The following CNOT10 variants were observed in gnomAD, a reference collection of about 807,000 sequenced individuals.
The protein encoded by CNOT10 is CCR4-NOT transcription complex subunit 10.
Under a neutral mutation model 94.6 loss-of-function variants are expected in CNOT10, and 30 were observed. The observed-to-expected ratio is 0.32, with a 90% CI of 0.24 to 0.43. The LOEUF (loss-of-function observed/expected upper bound fraction) is 0.43. Ranked by LOEUF, CNOT10 falls within the 20% of genes least tolerant of loss-of-function variation. The pLI, the probability that CNOT10 is intolerant of heterozygous loss-of-function variation, is 1.00. For synonymous variants in CNOT10, 289 were observed against 301.6 expected, an observed-to-expected ratio of 0.96 and a Z score of 0.43; for missense variants, 759 against 877.2, an observed-to-expected ratio of 0.87 and a Z score of 1.70.
intron 12 of CNOT10, among the ~76,000 whole-genome samples, chr3:32,736,148 C>T (rs926383386): frequency 2.1e-4 from 32 of 152,112 alleles, no homozygotes; most frequent in African/African-American, 7.2e-4. Flanking sequence ...AGCAGTGGCA[C>T]GATCTCAACT....
intron 17 of CNOT10, among the ~76,000 whole-genome samples, chr3:32,767,491 C>T (rs992902230): frequency 2.9e-5 from 4 of 137,858 alleles, no homozygotes; most frequent in African/African-American, 1.1e-4. Flanking sequence ...TGCACTACAG[C>T]CTGGGCAACA....
rs866600183 is a variant in CNOT10 at position 32,737,576 on chromosome 3, G to A, written c.1595+86G>A. 4 of 830,676 alleles carry A rather than the reference G, an allele frequency of 4.8e-6. No individual in the cohort carries two copies. The Middle Eastern group carries it at 1.1e-3, about 219-fold the overall frequency. 51.5% of individuals were successfully genotyped at this position (830,676 alleles called of 1,614,324 possible). Reference sequence around the variant, plus strand: ...ACAGTGGCTCATACCTCTAATCCCAGCACTTTGGGAGGCCGAGGCTGGTGG... The same window carrying A: ...ACAGTGGCTCATACCTCTAATCCCAACACTTTGGGAGGCCGAGGCTGGTGG... On this transcript the variant is annotated intron_variant, in intron 13 of 18. Coordinates refer to ENST00000328834, the MANE Select transcript of CNOT10 (RefSeq NM_015442.3).
At chr3:32,764,276 G>A (rs1700571269) in intron 15 of CNOT10, 179 bp from the exon 16 acceptor site, 3 of 569,834 alleles carry the variant, frequency 5.3e-6, no homozygotes, top group Non-Finnish European at 9.1e-6. Context: ...GGCGGAGGTT[G>A]CAGTGAGCCG....
chr3:32,720,110 A>G lies in CNOT10; in HGVS notation c.745-4A>G, dbSNP rs759583348. The G allele has an allele frequency of 7.0e-6, 10 of 1,421,672 alleles. No homozygotes were observed. The South Asian group carries it at 1.5e-4, about 21-fold the overall frequency. 88.1% of individuals were successfully genotyped at this position (1,421,672 alleles called of 1,614,324 possible). ...TATAAGTAACTTTTATATTTTCTCT[A>G]CAGTCCGCACCCTCTCTCTTTCTTA... On this transcript the variant is annotated splice_region_variant and splice_polypyrimidine_tract_variant and intron_variant, in intron 7 of 18. Coordinates refer to ENST00000328834, the MANE Select transcript of CNOT10 (RefSeq NM_015442.3).
chr3:32,719,421 A>G (rs1454089829), intron 7 of CNOT10, among the ~76,000 whole-genome samples: 2 of 152,130 alleles, frequency 1.3e-5, no homozygotes, highest in East Asian at 3.9e-4. Flanking sequence ...CTCCGTCTCA[A>G]TCAATCAATC....
chr3:32,764,358 A>G (rs1008692807), intron 15 of CNOT10, 97 bp from the exon 16 acceptor site: 1 of 1,297,016 alleles, frequency 7.7e-7, no homozygotes, highest in African/African-American at 1.5e-5. Context: ...AAAGAAAAGA[A>G]AAGAAAATAT....
chr3:32,771,412 C>G lies in CNOT10; in HGVS notation c.2080+1450C>G, dbSNP rs1454582200. 2.0e-5 allele frequency among the ~76,000 whole-genome samples: 3 copies of G among 152,080 alleles called. No individual in the cohort carries two copies. The South Asian group carries it at 6.2e-4, about 32-fold the overall frequency. On this transcript the variant is annotated intron_variant, in intron 18 of 18. Transcript: ENST00000328834. ...GGTCAGGAGTTCGAAACCAGCCTAG[C>G]CAACATGGTAAAACCCCATCTTTAC...
chr3:32,740,107 AAAT>A (rs1336684092), intron 13 of CNOT10, among the ~76,000 whole-genome samples: 1 of 152,102 alleles, frequency 6.6e-6, no homozygotes, highest in African/African-American at 2.4e-5. Context: ...TAAAAATAAA[AAAT>A]AATACAGAGA....
At chr3:32,743,871 GA>G (rs1431199572) in intron 13 of CNOT10, among the ~76,000 whole-genome samples, 1 of 152,058 alleles carries the variant, frequency 6.6e-6, no homozygotes, top group Admixed American at 6.6e-5. Flanking sequence ...TTTTGTGTGT[GA>G]AAAGGAGCAT....
intron 10 of CNOT10, among the ~76,000 whole-genome samples, chr3:32,729,241 T>A (rs908514667): frequency 2.0e-5 from 3 of 152,228 alleles, no homozygotes; most frequent in African/African-American, 7.2e-5. Flanking sequence ...TTGCCCATGG[T>A]AGCTATGGGA....
Position 32,759,641 on chromosome 3 carries a change from T to C in CNOT10, c.1709+70T>C. 2.7e-6 allele frequency: 3 copies of C among 1,119,922 alleles called. No homozygotes were observed. In the East Asian group the frequency reaches 7.1e-5, roughly 26 times the overall value. 69.4% of individuals were successfully genotyped at this position (1,119,922 alleles called of 1,614,324 possible). ...AGGTTTCTCCTTGGTTTGTGGTTTATGTTGCTTCTTTTGACTCCTCCAGTG... is the reference window on the plus strand; with the variant it reads ...AGGTTTCTCCTTGGTTTGTGGTTTACGTTGCTTCTTTTGACTCCTCCAGTG... On this transcript the variant is annotated intron_variant, in intron 14 of 18. Transcript: ENST00000328834.
intron 3 of CNOT10, among the ~76,000 whole-genome samples, chr3:32,708,080 G>A (rs1341195331): frequency 6.6e-6 from 1 of 151,792 alleles, no homozygotes; most frequent in Non-Finnish European, 1.5e-5. Context: ...TGTATTTTTA[G>A]TAGAGACGGG....
chr3:32,713,391 G>A (rs777183400), intron 5 of CNOT10, 22 bp downstream of exon 5: 64 of 1,548,854 alleles, frequency 4.1e-5, no homozygotes, highest in Non-Finnish European at 5.5e-5. Flanking sequence ...GAGGTGATCA[G>A]ACTAAAATCT....
chr3:32,753,292 A>T, intron 13 of CNOT10: 1 of 891,594 alleles, frequency 1.1e-6, no homozygotes, highest in South Asian at 1.3e-5. Context: ...AGAATGGCCC[A>T]GAATCTGATG....
intron 10 of CNOT10, chr3:32,730,837 G>A (rs1698909269): frequency 6.6e-6 from 1 of 152,156 alleles, no homozygotes; most frequent in Non-Finnish European, 1.5e-5. Context: ...GTATAAATAT[G>A]GGAAAAGATC....
intron 13 of CNOT10, among the ~76,000 whole-genome samples, chr3:32,739,925 C>T (rs1350952201): frequency 6.6e-6 from 1 of 151,810 alleles, no homozygotes; most frequent in East Asian, 1.9e-4. Context: ...AACTCCGTCT[C>T]GAAAGAAAAA....
intron 12 of CNOT10, among the ~76,000 whole-genome samples, chr3:32,735,792 A>G (rs542060380): frequency 2.0e-5 from 3 of 152,278 alleles, no homozygotes; most frequent in African/African-American, 7.2e-5. Context: ...TCCTCTTAAT[A>G]TACTATAATC....
intron 8 of CNOT10, among the ~76,000 whole-genome samples, chr3:32,722,771 G>A (rs1698480529): frequency 6.6e-6 from 1 of 151,892 alleles, no homozygotes; most frequent in African/African-American, 2.4e-5. Flanking sequence ...ATCACTTGAG[G>A]TCAGGAGTTC....
intron 3 of CNOT10, among the ~76,000 whole-genome samples, chr3:32,707,061 A>G (rs1368772882): frequency 1.3e-5 from 2 of 152,224 alleles, no homozygotes; most frequent in Non-Finnish European, 2.9e-5. Context: ...TCAGAGTTCT[A>G]TGGAAGTGTT....
Sources: gnomAD v4.1 joint callset for allele counts (sites outside exome capture counted in the v4.1 genomes callset) on GRCh38, gnomAD v4.1.1 for gene constraint, MANE v1.5 for transcripts, NCBI Gene and HGNC (gene_info 2026-07-23, HGNC 2026-07-21) for gene names.